PLCH1: variants seen among roughly 807,000 people sequenced by gnomAD.
PLCH1 encodes phospholipase C eta 1.
A neutral mutation model predicts 126.7 loss-of-function variants in PLCH1; 60 were observed. That is an observed-to-expected ratio of 0.47 (90% CI 0.38 to 0.59). The LOEUF (loss-of-function observed/expected upper bound fraction) is 0.59, where lower values mean the gene tolerates loss of function less well. PLCH1 is among the 20% of genes least tolerant of loss of function. The pLI is 0.00. For missense variants in PLCH1, 1,723 were observed against 2,040.0 expected (o/e 0.84, Z 2.99); for synonymous variants, 719 against 734.9 (o/e 0.98, Z 0.35).
At chr3:155,734,470 T>A (rs1263080183) in intron 1 of PLCH1, among the ~76,000 whole-genome samples, 3 of 151,968 alleles carry the variant, frequency 2.0e-5, no homozygotes, top group African/African-American at 4.8e-5. Flanking sequence ...AAAATAAAAT[T>A]AAATTAAATT....
chr3:155,570,507 T>C (rs1577039693), intron 6 of PLCH1, among the ~76,000 whole-genome samples: 2 of 152,344 alleles, frequency 1.3e-5, no homozygotes, highest in East Asian at 1.9e-4. Context: ...GAACTTAAGA[T>C]AAAATGTGAT....
intron 1 of PLCH1, among the ~76,000 whole-genome samples, chr3:155,724,198 G>A (rs1488262730): frequency 3.3e-5 from 5 of 152,118 alleles, no homozygotes; most frequent in Admixed American, 2.6e-4. Context: ...TATGTGCTGA[G>A]TATATTCTCC....
At chr3:155,515,214 G>C (rs1247882719) in intron 11 of PLCH1, among the ~76,000 whole-genome samples, 1 of 152,144 alleles carries the variant, frequency 6.6e-6, no homozygotes, top group Non-Finnish European at 1.5e-5. Flanking sequence ...GTTGTTCCTG[G>C]TTACATAGCT....
intron 2 of PLCH1, among the ~76,000 whole-genome samples, chr3:155,615,451 T>A (rs1211379050): frequency 6.6e-6 from 1 of 151,920 alleles, no homozygotes; most frequent in East Asian, 1.9e-4. Flanking sequence ...CCCAGAGAAA[T>A]AGAAGTCATT....
intron 1 of PLCH1, among the ~76,000 whole-genome samples, chr3:155,705,875 G>A (rs769637088): frequency 2.3e-4 from 35 of 152,114 alleles, no homozygotes; most frequent in Non-Finnish European, 4.6e-4. Context: ...AAGTGAGGTC[G>A]TTTAAAAAAT....
chr3:155,514,717 A>G lies in PLCH1; in HGVS notation c.1632+6T>C. On this transcript the variant is annotated splice_donor_region_variant and intron_variant, in intron 12 of 22. Coordinates refer to ENST00000460012, the MANE Select transcript of PLCH1 (RefSeq NM_014996.4). ...TGAAGGATAAGTACAAGAGGGAATCAGATACCTGCTTCAGGTGTGCATTTA... is the reference window on the plus strand; with the variant it reads ...TGAAGGATAAGTACAAGAGGGAATCGGATACCTGCTTCAGGTGTGCATTTA... The G allele has an allele frequency of 6.6e-7, 1 of 1,522,194 alleles. No individual in the cohort carries two copies. Among genetic ancestry groups the G allele is most frequent in the Non-Finnish European group, 8.9e-7 (1 of 1,126,518 alleles). The allele number at this position is 1,522,194 out of a possible 1,614,324, so 94.3% of individuals were successfully genotyped here.
chr3:155,601,077 CCATT>C (rs1156860193), intron 2 of PLCH1, among the ~76,000 whole-genome samples: 1 of 152,144 alleles, frequency 6.6e-6, no homozygotes, highest in Non-Finnish European at 1.5e-5. Context: ...CGGGTTCACG[CCATT>C]CTCCTGCCTC....
At chr3:155,475,058 C>T (rs1450206708), downstream of PLCH1, among the ~76,000 whole-genome samples, 1 of 148,062 alleles carries the variant, frequency 6.8e-6, no homozygotes, top group Non-Finnish European at 1.5e-5. Flanking sequence ...GCACATGTAC[C>T]CTAAAACTTA....
At chr3:155,673,048 C>CTTTTTTTTTT in intron 2 of PLCH1, among the ~76,000 whole-genome samples, 1 of 68,238 alleles carries the variant, frequency 1.5e-5, no homozygotes. Context: ...CTTCTGTTGC[C>CTTTTTTTTTT]TTTTTTTTTT....
At position 155,568,308 on chromosome 3, in the gene PLCH1, G is replaced by A. The variant is rs144652454; in HGVS notation, c.788C>T (p.Thr263Met). Residue 263 changes from threonine to methionine, a missense_variant, in exon 7 of 23, where the codon ACG becomes ATG. By Grantham distance (81) the Thr-to-Met change is moderately conservative (BLOSUM62 -1). Around this residue, in one of 2 missense-constraint regions of PLCH1, gnomAD observed 776 missense variants for 1,062.9 expected, o/e 0.73. Transcript: ENST00000460012. ...KVEQKMNNVT[T>M]DYCLDIIKKF... ...CTTTATGATGTCAAGACAATAGTCCGTTGTCACATTATTCATCTAAGAAAA... is the reference window on the plus strand; with the variant it reads ...CTTTATGATGTCAAGACAATAGTCCATTGTCACATTATTCATCTAAGAAAA... 64 of 1,500,500 alleles carry A rather than the reference G, an allele frequency of 4.3e-5. No individual in the cohort carries two copies. Among genetic ancestry groups the A allele is most frequent in the South Asian group, 3.5e-4 (30 of 86,420 alleles). The allele number at this position is 1,500,500 out of a possible 1,614,324, so 92.9% of individuals were successfully genotyped here. A position where few individuals can be genotyped will look rare whatever the true frequency, so the allele number is the denominator to read the frequency against.
intron 10 of PLCH1, among the ~76,000 whole-genome samples, chr3:155,537,523 T>C (rs1358727946): frequency 6.6e-6 from 1 of 151,866 alleles, no homozygotes; most frequent in South Asian, 2.1e-4. Context: ...ATATAAGGAC[T>C]CATAAACTTA....
chr3:155,545,899 C>G lies in PLCH1; in HGVS notation c.1362+3888G>C, dbSNP rs568872533. ...GATGGGACATATCTCAAAATAATAA[C>G]AGCTATCTATGACAAACCCACAGCC... On this transcript the variant is annotated intron_variant, in intron 10 of 22. Coordinates refer to ENST00000460012, the MANE Select transcript of PLCH1 (RefSeq NM_014996.4). Among the ~76,000 whole-genome samples, 171 of 152,094 alleles carry G rather than the reference C, an allele frequency of 1.1e-3. No individual in the cohort carries two copies. In the East Asian group the frequency reaches 0.011, roughly 10 times the overall value.
At chr3:155,704,347 C>T (rs1044423006) in intron 1 of PLCH1, 83 bp from the exon 2 acceptor site, 2 of 405,894 alleles carry the variant, frequency 4.9e-6, no homozygotes, top group East Asian at 7.1e-5. Flanking sequence ...CATCGGTTGC[C>T]CAGCATTACG....
chr3:155,592,761 G>T (rs1732375500), intron 4 of PLCH1, among the ~76,000 whole-genome samples: 1 of 152,134 alleles, frequency 6.6e-6, no homozygotes, highest in Non-Finnish European at 1.5e-5. Flanking sequence ...TGTTAGTACG[G>T]TTTCTGATAC....
intron 1 of PLCH1, among the ~76,000 whole-genome samples, chr3:155,735,479 CA>C (rs1446796325): frequency 1.3e-5 from 2 of 151,948 alleles, no homozygotes; most frequent in East Asian, 1.9e-4. Context: ...ACTAAAAATA[CA>C]AAAATTAGCC....
intron 18 of PLCH1, 21 bp from the exon 19 acceptor site, chr3:155,490,889 A>G (rs753681931): frequency 2.8e-5 from 35 of 1,253,612 alleles, no homozygotes; most frequent in Middle Eastern, 3.7e-4. Context: ...AAGAGAAAGT[A>G]CTATTACAAA....
chr3:155,600,638 G>T (rs1733599659), intron 2 of PLCH1, among the ~76,000 whole-genome samples: 1 of 150,638 alleles, frequency 6.6e-6, no homozygotes, highest in African/African-American at 2.5e-5. Context: ...TGGATACAAT[G>T]CAGCAACATC....
intron 5 of PLCH1, 31 bp from the exon 6 acceptor site, chr3:155,583,673 A>G: frequency 1.3e-6 from 2 of 1,493,454 alleles, no homozygotes; most frequent in Non-Finnish European, 1.8e-6. Context: ...ATAAAGTAAT[A>G]TGAAAGTTAG....
chr3:155,662,741 T>C (rs974310907), intron 2 of PLCH1, among the ~76,000 whole-genome samples: 2 of 152,172 alleles, frequency 1.3e-5, no homozygotes, highest in African/African-American at 4.8e-5. Flanking sequence ...CTCAGCTCAC[T>C]GCAACCTCCA....
Sources: allele counts gnomAD v4.1 joint callset (sites outside exome capture counted in the v4.1 genomes callset), GRCh38; gene constraint gnomAD v4.1.1; regional missense constraint gnomAD v4.1.1; transcripts MANE v1.5; gene names NCBI Gene and HGNC (gene_info 2026-07-23, HGNC 2026-07-21).